The following NOL4 variants were observed in gnomAD, a reference collection of about 807,000 sequenced individuals.
NOL4 encodes nucleolar protein 4.
A neutral mutation model predicts 75.9 loss-of-function variants in NOL4; 17 were observed. The ratio of observed to expected loss-of-function variants is 0.22; its 90% CI spans 0.15 to 0.34. NOL4 has a LOEUF of 0.34. Among genes scored for constraint, NOL4 ranks in the 10% least tolerant of loss-of-function variants. NOL4 has a pLI of 1.00. For missense variants in NOL4, 614 were observed against 793.5 expected (o/e 0.77, Z 2.72); for synonymous variants, 292 against 289.9 (o/e 1.01, Z -0.07).
intron 6 of NOL4, among the ~76,000 whole-genome samples, chr18:33,961,978 C>A (rs1034822105): frequency 1.3e-5 from 2 of 152,128 alleles, no homozygotes; most frequent in South Asian, 2.1e-4. Flanking sequence ...GCTGGCCCAG[C>A]ACCTTTTTCT....
At chr18:34,151,439 T>C (rs1241871911) in intron 1 of NOL4, among the ~76,000 whole-genome samples, 3 of 151,826 alleles carry the variant, frequency 2.0e-5, no homozygotes, top group Non-Finnish European at 4.4e-5. Context: ...TATCGAGTGA[T>C]AGAAGCCAAT....
At chr18:33,935,026 T>C (rs2067967729) in intron 9 of NOL4, among the ~76,000 whole-genome samples, 2 of 152,126 alleles carry the variant, frequency 1.3e-5, no homozygotes, top group South Asian at 4.2e-4. Context: ...GCCTTGCTAA[T>C]CTTTTAAAAA....
Position 33,947,962 on chromosome 18 carries a change from C to T in NOL4, c.1429-4784G>A, listed in dbSNP as rs117494595. Among the ~76,000 whole-genome samples the T allele has an allele frequency of 8.1e-3, 1,225 of 151,918 alleles. 10 individuals are homozygous for T. Among genetic ancestry groups the T allele is most frequent in the Middle Eastern group, 0.02 (6 of 294 alleles). On this transcript the variant is annotated intron_variant, in intron 8 of 10. Transcript: ENST00000261592. ...TCTTATATATGTTGATAAAATGTAC[C>T]GTCACACCAACAAACTTCCATTTTT...
chr18:34,183,505 A>T (rs1323041199), intron 1 of NOL4: 1 of 151,952 alleles, frequency 6.6e-6, no homozygotes, highest in Non-Finnish European at 1.5e-5. Context: ...TAAACAAGAA[A>T]ATGAAAACTT....
chr18:34,045,018 CCTT>C (rs1163091937), intron 5 of NOL4, among the ~76,000 whole-genome samples: 1 of 152,114 alleles, frequency 6.6e-6, no homozygotes, highest in Admixed American at 6.6e-5. Flanking sequence ...TTTTCTCTGT[CCTT>C]CTTATCATCT....
intron 5 of NOL4, among the ~76,000 whole-genome samples, chr18:34,040,378 G>C (rs1335053404): frequency 6.6e-6 from 1 of 151,668 alleles, no homozygotes; most frequent in Non-Finnish European, 1.5e-5. Context: ...GCTATTTTGA[G>C]GATTAAGCTA....
chr18:33,973,169 T>C (rs1177271555), intron 6 of NOL4, among the ~76,000 whole-genome samples: 2 of 152,244 alleles, frequency 1.3e-5, no homozygotes, highest in Non-Finnish European at 2.9e-5. Flanking sequence ...TGTTTATTTG[T>C]TTGTTTCAAC....
chr18:33,951,450 G>GT (rs201854791), intron 8 of NOL4, among the ~76,000 whole-genome samples: 410 of 152,138 alleles, frequency 2.7e-3, no homozygotes, highest in African/African-American at 5.7e-3. Context: ...CTAGGTATGA[G>GT]TTTTTTTAAA....
At chr18:34,185,208 C>A (rs1600822947) in intron 1 of NOL4, among the ~76,000 whole-genome samples, 1 of 152,114 alleles carries the variant, frequency 6.6e-6, no homozygotes, top group African/African-American at 2.4e-5. Context: ...TGAGATTGTG[C>A]CCTACTTGCA....
intron 1 of NOL4, among the ~76,000 whole-genome samples, chr18:34,142,882 A>T (rs1191335781): frequency 6.6e-6 from 1 of 152,204 alleles, no homozygotes; most frequent in African/African-American, 2.4e-5. Context: ...GTATCTATGA[A>T]TTCCACATCC....
intron 9 of NOL4, among the ~76,000 whole-genome samples, chr18:33,910,512 C>G (rs1219077132): frequency 6.6e-6 from 1 of 152,122 alleles, no homozygotes; most frequent in Admixed American, 6.6e-5. Context: ...CTCCTCCTAG[C>G]TCTCAGTGGT....
At chr18:34,102,386 T>C (rs1026915111) in intron 4 of NOL4, among the ~76,000 whole-genome samples, 1 of 152,092 alleles carries the variant, frequency 6.6e-6, no homozygotes, top group African/African-American at 2.4e-5. Context: ...ATATTTCACT[T>C]ACATTCCATT....
chr18:33,961,410 C>T (rs2070117135), intron 6 of NOL4, among the ~76,000 whole-genome samples: 3 of 151,958 alleles, frequency 2.0e-5, no homozygotes, highest in African/African-American at 7.2e-5. Context: ...GCCTATTCTG[C>T]CTGACTGCTG....
Position 33,883,328 on chromosome 18 carries a change from T to G in NOL4, c.1639A>C (p.Ile547Leu). The G allele has an allele frequency of 1.2e-6, 2 of 1,613,340 alleles. No individual in the cohort carries two copies. The highest frequency in any genetic ancestry group is 1.7e-6 in the Non-Finnish European group (2 of 1,179,506). ...AVPGSQDVLY[I>L]NGNGTYSYHS... ...TAACTATAGGTCCCATTTCCATTGA[T>G]GTACAGCACGTCCTGTGAGCCTGGA... The change falls in exon 10 of 11, where the codon ATC becomes CTC. Residue 547 changes from isoleucine (I) to leucine (L), a missense_variant. By Grantham distance (5) the Ile-to-Leu change is conservative. Transcript: ENST00000261592.
At chr18:34,169,136 A>G (rs2146249370) in intron 1 of NOL4, among the ~76,000 whole-genome samples, 1 of 152,096 alleles carries the variant, frequency 6.6e-6, no homozygotes, top group South Asian at 2.1e-4. Context: ...AGAGCACCAG[A>G]AATAGTAACC....
At chr18:34,074,016 T>G (rs112375763) in intron 5 of NOL4, among the ~76,000 whole-genome samples, 1 of 151,048 alleles carries the variant, frequency 6.6e-6, no homozygotes, top group Non-Finnish European at 1.5e-5. Context: ...AATCAAGAAA[T>G]AGCAAAAACA....
chr18:33,872,434 T>C (rs2063741678), intron 10 of NOL4, among the ~76,000 whole-genome samples: 1 of 152,032 alleles, frequency 6.6e-6, no homozygotes, highest in Admixed American at 6.6e-5. Context: ...AGCATTAAGT[T>C]TCTATAAGGT....
intron 9 of NOL4, among the ~76,000 whole-genome samples, chr18:33,884,769 G>A (rs922300169): frequency 1.3e-5 from 2 of 152,034 alleles, no homozygotes; most frequent in Admixed American, 1.3e-4. Flanking sequence ...ATTTTTTGTG[G>A]CCCCAAAGGG....
chr18:34,097,043 G>A (rs1198895027), intron 4 of NOL4, among the ~76,000 whole-genome samples: 1 of 152,078 alleles, frequency 6.6e-6, no homozygotes, highest in Admixed American at 6.6e-5. Context: ...CCTAAACTAT[G>A]TAGTAATAGT....
Sources: gnomAD v4.1 joint callset for allele counts (sites outside exome capture counted in the v4.1 genomes callset) on GRCh38, gnomAD v4.1.1 for gene constraint, MANE v1.5 for transcripts, NCBI Gene and HGNC (gene_info 2026-07-23, HGNC 2026-07-21) for gene names.